AKIP1: variants seen among roughly 807,000 people sequenced by gnomAD.
AKIP1 encodes the protein A-kinase-interacting protein 1.
Under a neutral mutation model 22.3 loss-of-function variants are expected in AKIP1, and 18 were observed. The ratio of observed to expected loss-of-function variants is 0.81; its 90% CI spans 0.56 to 1.19. The LOEUF (loss-of-function observed/expected upper bound fraction) is 1.19, where lower values mean the gene tolerates loss of function less well. Among genes scored for constraint, AKIP1 ranks in the 50% most tolerant of loss-of-function variants. The probability of loss-of-function intolerance (pLI) is 0.00; values close to 1 mark genes in which losing one functional copy is unlikely to be tolerated. For synonymous variants in AKIP1, 120 were observed against 102.7 expected (o/e 1.17, Z -1.02); for missense variants, 287 against 264.6 (o/e 1.08, Z -0.59).
intron 3 of AKIP1, among the ~76,000 whole-genome samples, chr11:8,913,622 C>A (rs1408196901): frequency 1.3e-5 from 2 of 152,160 alleles, no homozygotes; most frequent in African/African-American, 2.4e-5. Context: ...CTTGGTGAGT[C>A]CTACATGGTT....
chr11:8,914,694 G>A, intron 3 of AKIP1, 132 bp from the exon 4 acceptor site: 1 of 638,152 alleles, frequency 1.6e-6, no homozygotes, highest in Non-Finnish European at 2.8e-6. Context: ...TCAGAGGCCT[G>A]TCAAGAGGGC....
chr11:8,915,456 T>C lies in AKIP1; in HGVS notation c.408+526T>C, dbSNP rs189993218. On this transcript the variant is annotated intron_variant, in intron 4 of 5. Transcript: ENST00000309377. ...ATGGCTTACTGCAGCCTTGACTTCC[T>C]GGGCAGGTGATCCTCCCACCTGAAC... is the stretch of plus-strand genomic sequence containing the variant. Among the ~76,000 whole-genome samples, 468 of 146,392 alleles carry C rather than the reference T, an allele frequency of 3.2e-3. 2 individuals are homozygous for C. The highest frequency in any genetic ancestry group is 0.011 in the African/African-American group (444 of 40,036).
At chr11:8,918,256 C>T (rs2064517098) in intron 5 of AKIP1, 4 of 152,094 alleles carry the variant, frequency 2.6e-5, no homozygotes, top group South Asian at 4.1e-4. Context: ...GGTTGACAAC[C>T]AATAAATAGT....
chr11:8,914,993 C>A, intron 4 of AKIP1, 63 bp downstream of exon 4: 1 of 1,290,768 alleles, frequency 7.7e-7, no homozygotes, highest in Non-Finnish European at 1.1e-6. Flanking sequence ...ACCCTATATT[C>A]AAGAGCCCCT....
rs4910158 is a variant in AKIP1, at chr11:8,919,713, T to G, written c.*233T>G. ...GTGCAGTGGCGTGATCTCGGCTCAC[T>G]GCAAGTTCCGCCTCCCGGGTTCACA... On this transcript the variant is annotated 3_prime_UTR_variant, in exon 6 of 6. Coordinates refer to ENST00000309377, the MANE Select transcript of AKIP1 (RefSeq NM_020642.4). 5.2e-5 allele frequency: 20 copies of G among 387,612 alleles called. No individual in the cohort carries two copies. In the Admixed American group the frequency reaches 8.4e-4, roughly 16 times the overall value. The allele number at this position is 387,612 out of a possible 1,614,324, so 24.0% of individuals were successfully genotyped here. A position where few individuals can be genotyped will look rare whatever the true frequency, so the allele number is the denominator to read the frequency against.
At position 8,911,291 on chromosome 11, in the gene AKIP1, T is replaced by C. The variant is rs943237416; in HGVS notation, c.-7+68T>C. The C allele has an allele frequency of 2.0e-5, 13 of 666,100 alleles. No individual in the cohort carries two copies. In the Admixed American group the frequency reaches 3.8e-4, roughly 20 times the overall value. 41.3% of individuals were successfully genotyped at this position (666,100 alleles called of 1,614,324 possible). ...GAAGGGGCGGGCGCGCTAGGCCTAGTCCTGGCTGGGCTCCCGCTGGAGTGT... is the reference window on the plus strand; with the variant it reads ...GAAGGGGCGGGCGCGCTAGGCCTAGCCCTGGCTGGGCTCCCGCTGGAGTGT... On this transcript the variant is annotated intron_variant, in intron 1 of 5. Transcript: ENST00000309377.
chr11:8,911,485 G>A lies in AKIP1; in HGVS notation c.36G>A (p.Gly12=). The part of the protein sequence containing the change: ...DNCLAAAALN[G]VDRRSLQRSA... ...GTTTGGCGGCCGCAGCGCTGAATGG[G>A]GTGGACCGACGTTCCCTGCAGCGTT... is the stretch of plus-strand genomic sequence containing the variant. The change falls in exon 2 of 6, where the codon GGG becomes GGA. Residue 12 remains glycine (G), a synonymous_variant. Transcript: ENST00000309377. 1.2e-6 allele frequency: 2 copies of A among 1,606,176 alleles called. No individual in the cohort carries two copies. Among genetic ancestry groups the A allele is most frequent in the Non-Finnish European group, 1.7e-6 (2 of 1,176,686 alleles).
In AKIP1 at chr11:8,919,859, G is replaced by A. The variant is rs953838936; in HGVS notation, c.*379G>A. On this transcript the variant is annotated 3_prime_UTR_variant, in exon 6 of 6. Transcript: ENST00000309377. ...TCACCATGTTGGCCAGGATGGTCTC[G>A]ATCTCTTGACCTCGTGATCCACCCA... The A allele has an allele frequency of 1.1e-5, 2 of 180,446 alleles. No homozygotes were observed. Among genetic ancestry groups the A allele is most frequent in the Admixed American group, 5.5e-5 (1 of 18,096 alleles). The allele number at this position is 180,446 out of a possible 1,614,324, so 11.2% of individuals were successfully genotyped here. A position where few individuals can be genotyped will look rare whatever the true frequency, so the allele number is the denominator to read the frequency against.
intron 3 of AKIP1, 148 bp downstream of exon 3, chr11:8,912,681 A>C (rs1284658538): frequency 7.0e-6 from 5 of 713,208 alleles, no homozygotes; most frequent in Non-Finnish European, 1.2e-5. Context: ...GACTTAAACC[A>C]GGGGGTAAAT....
chr11:8,917,448 A>G (rs761463066), intron 5 of AKIP1, 81 bp downstream of exon 5: 6 of 1,029,606 alleles, frequency 5.8e-6, no homozygotes, highest in East Asian at 4.8e-5. Context: ...TTAGAGGGCT[A>G]TTTGAATTGA....
Position 8,919,630 on chromosome 11 carries a change from T to G in AKIP1, c.*150T>G. 2 of 861,336 alleles carry G rather than the reference T, an allele frequency of 2.3e-6. No individual in the cohort carries two copies. Among genetic ancestry groups the G allele is most frequent in the Non-Finnish European group, 3.5e-6 (2 of 566,996 alleles). The allele number at this position is 861,336 out of a possible 1,614,324, so 53.4% of individuals were successfully genotyped here. On this transcript the variant is annotated 3_prime_UTR_variant, in exon 6 of 6. Coordinates refer to ENST00000309377, the MANE Select transcript of AKIP1 (RefSeq NM_020642.4). ...CTGGAGTCTGTCTCTTTCAGTGCTTTTTTGTTTGTTTGGTTGGTTTTTTTT... is the reference window on the plus strand; with the variant it reads ...CTGGAGTCTGTCTCTTTCAGTGCTTGTTTGTTTGTTTGGTTGGTTTTTTTT...
At chr11:8,914,263 A>G (rs905827747) in intron 3 of AKIP1, among the ~76,000 whole-genome samples, 2 of 152,208 alleles carry the variant, frequency 1.3e-5, no homozygotes, top group Admixed American at 1.3e-4. Flanking sequence ...GAGAAATGTA[A>G]CTGTTTTCCG....
chr11:8,911,229 G>GT lies in AKIP1; in HGVS notation c.-7+6_-7+7insT. 14 of 562,948 alleles carry GT rather than the reference G, an allele frequency of 2.5e-5. No homozygotes were observed. The highest frequency in any genetic ancestry group is 1.0e-4 in the Admixed American group (3 of 30,024). 34.9% of individuals were successfully genotyped at this position (562,948 alleles called of 1,614,324 possible). ...CGCCTTGACGAGTGAGCCGGGTGAGGGGGCTCCCTAAGTAGCGGAAGGGGT... is the reference window on the plus strand; with the variant it reads ...CGCCTTGACGAGTGAGCCGGGTGAGGTGGGCTCCCTAAGTAGCGGAAGGGGT... On this transcript the variant is annotated splice_region_variant and intron_variant, in intron 1 of 5. Transcript: ENST00000309377.
At position 8,914,872 on chromosome 11, in the gene AKIP1, A is replaced by G. The variant is rs1264528017; in HGVS notation, c.350A>G (p.Tyr117Cys). 1 of 1,613,936 alleles carries G rather than the reference A, an allele frequency of 6.2e-7. No individual in the cohort carries two copies. The highest frequency in any genetic ancestry group is 1.3e-5 in the African/African-American group (1 of 74,932). Residue 117 changes from tyrosine to cysteine, a missense_variant, in exon 4 of 6, where the codon TAT (tyrosine) becomes TGT (cysteine). Coordinates refer to ENST00000309377, the MANE Select transcript of AKIP1 (RefSeq NM_020642.4). ...VPEEGGATHV[Y>C]RYHRGESKLH... ...GAGGAAGGAGGGGCAACCCATGTCTATCGTTATCACAGAGGCGAGTCGAAG... is the reference window on the plus strand; with the variant it reads ...GAGGAAGGAGGGGCAACCCATGTCTGTCGTTATCACAGAGGCGAGTCGAAG...
chr11:8,919,471 C>A lies in AKIP1; in HGVS notation c.624C>A (p.Phe208Leu), dbSNP rs1403698561. Residue 208 changes from phenylalanine to leucine, a missense_variant, in exon 6 of 6, where the codon TTC becomes TTA. Physicochemically the swap from Phe to Leu is conservative, Grantham distance 22. Coordinates refer to ENST00000309377, the MANE Select transcript of AKIP1 (RefSeq NM_020642.4). Reference sequence around the variant, plus strand: ...CTGGACAAAGCGTGGACCTGGTCTTCCCTGTGTGATGTTGACCATCACTGC... The same window carrying A: ...CTGGACAAAGCGTGGACCTGGTCTTACCTGTGTGATGTTGACCATCACTGC... ...VDSGQSVDLV[F>L]PV The A allele has an allele frequency of 6.2e-6, 10 of 1,613,486 alleles. No individual in the cohort carries two copies. Among genetic ancestry groups the A allele is most frequent in the Non-Finnish European group, 8.5e-6 (10 of 1,179,878 alleles).
At chr11:8,916,358 T>A (rs1326213278) in intron 4 of AKIP1, among the ~76,000 whole-genome samples, 1 of 152,210 alleles carries the variant, frequency 6.6e-6, no homozygotes, top group Non-Finnish European at 1.5e-5. Flanking sequence ...GTTACGGGCC[T>A]CTCACTACAA....
rs58964682 is a variant in AKIP1, at chr11:8,919,096, G to A, written c.490-241G>A. 5.1e-3 allele frequency among the ~76,000 whole-genome samples: 774 copies of A among 152,270 alleles called. 8 individuals carry two copies. Among genetic ancestry groups the A allele is most frequent in the African/African-American group, 0.018 (739 of 41,542 alleles). On this transcript the variant is annotated intron_variant, in intron 5 of 5. Transcript: ENST00000309377. ...TTCATATAACACTTTAGCATTTACA[G>A]AGTGTTTTCACATGCTTATTTGTGA...
chr11:8,911,195 G>T lies in AKIP1; in HGVS notation c.-35G>T. On this transcript the variant is annotated 5_prime_UTR_variant, in exon 1 of 6. Coordinates refer to ENST00000309377, the MANE Select transcript of AKIP1 (RefSeq NM_020642.4). ...TGGTCCCTCTTCCTAGAATAGCGTTGCGCGCATGCGCCTTGACGAGTGAGC... is the reference window on the plus strand; with the variant it reads ...TGGTCCCTCTTCCTAGAATAGCGTTTCGCGCATGCGCCTTGACGAGTGAGC... The T allele has an allele frequency of 2.0e-6, 1 of 509,370 alleles. No homozygotes were observed. Among genetic ancestry groups the T allele is most frequent in the Non-Finnish European group, 3.5e-6 (1 of 287,520 alleles). 31.6% of individuals were successfully genotyped at this position (509,370 alleles called of 1,614,324 possible).
chr11:8,912,649 G>A (rs992518228), intron 3 of AKIP1, 116 bp downstream of exon 3: 8 of 918,430 alleles, frequency 8.7e-6, no homozygotes, highest in African/African-American at 4.9e-5. Context: ...CAGCCTTCAC[G>A]GTCAGATTGT....
Sources: gnomAD v4.1 joint callset for allele counts (sites outside exome capture counted in the v4.1 genomes callset) on GRCh38, gnomAD v4.1.1 for gene constraint, MANE v1.5 for transcripts, NCBI Gene and HGNC (gene_info 2026-07-23, HGNC 2026-07-21) for gene names.